WWOX: variants seen among roughly 807,000 people sequenced by gnomAD.
The protein encoded by WWOX is WW domain-containing oxidoreductase.
A neutral mutation model predicts 46.2 loss-of-function variants in WWOX; 69 were observed. The ratio of observed to expected loss-of-function variants is 1.49; its 90% CI spans 1.23 to 1.82. The LOEUF (loss-of-function observed/expected upper bound fraction) is 1.82, where lower values mean the gene tolerates loss of function less well. Among genes scored for constraint, WWOX ranks in the 40% most tolerant of loss-of-function variants. The pLI is 0.00. For missense variants in WWOX, 919 were observed against 542.6 expected (o/e 1.69, Z -6.89); for synonymous variants, 359 against 202.6 (o/e 1.77, Z -6.56).
chr16:78,683,084 A>G (rs1163712965), intron 8 of WWOX, among the ~76,000 whole-genome samples: 1 of 152,236 alleles, frequency 6.6e-6, no homozygotes, highest in Non-Finnish European at 1.5e-5. Flanking sequence ...TTCTGACTCC[A>G]GATGACTTGT....
At chr16:78,443,580 C>G (rs142011950) in intron 8 of WWOX, among the ~76,000 whole-genome samples, 3 of 152,276 alleles carry the variant, frequency 2.0e-5, no homozygotes, top group Admixed American at 2.0e-4. Flanking sequence ...TGTTTTAAAT[C>G]CGCCTCGGCC....
At chr16:78,883,535 C>G (rs368324466) in intron 8 of WWOX, among the ~76,000 whole-genome samples, 5 of 151,978 alleles carry the variant, frequency 3.3e-5, no homozygotes, top group Admixed American at 6.6e-5. Context: ...ACCAGCCTGG[C>G]GAACATGGCA....
chr16:78,440,916 T>G (rs2083430736), intron 8 of WWOX, among the ~76,000 whole-genome samples: 1 of 152,146 alleles, frequency 6.6e-6, no homozygotes, highest in Non-Finnish European at 1.5e-5. Context: ...CCACTGTGCC[T>G]GGCCTGTAGT....
At chr16:78,225,208 A>C (rs2037012484) in intron 5 of WWOX, among the ~76,000 whole-genome samples, 2 of 152,188 alleles carry the variant, frequency 1.3e-5, no homozygotes, top group African/African-American at 4.8e-5. Context: ...ATAGTATATT[A>C]CTGTAATGAA....
intron 8 of WWOX, among the ~76,000 whole-genome samples, chr16:78,538,722 T>C (rs1374750364): frequency 6.6e-6 from 1 of 152,330 alleles, no homozygotes; most frequent in East Asian, 1.9e-4. Context: ...AGGTTAATCT[T>C]ATTTCTAATA....
intron 8 of WWOX, among the ~76,000 whole-genome samples, chr16:78,620,340 C>T (rs1300768557): frequency 1.3e-5 from 2 of 152,186 alleles, no homozygotes; most frequent in African/African-American, 2.4e-5. Context: ...CTGCATTGTG[C>T]CTCCTATCAA....
At chr16:78,300,230 T>C (rs1315778527) in intron 5 of WWOX, among the ~76,000 whole-genome samples, 1 of 152,192 alleles carries the variant, frequency 6.6e-6, no homozygotes, top group Non-Finnish European at 1.5e-5. Flanking sequence ...CCTAGGAGCC[T>C]AGGAGATACA....
At chr16:78,467,913 C>G (rs1039248446) in intron 8 of WWOX, among the ~76,000 whole-genome samples, 1 of 152,164 alleles carries the variant, frequency 6.6e-6, no homozygotes, top group African/African-American at 2.4e-5. Flanking sequence ...ATCAGCCTGG[C>G]TTCTTTTCCA....
chr16:78,382,723 G>A (rs1018658980), intron 5 of WWOX, among the ~76,000 whole-genome samples: 1 of 152,122 alleles, frequency 6.6e-6, no homozygotes, highest in African/African-American at 2.4e-5. Context: ...GCTTGGTGGT[G>A]ATGGAACAGT....
intron 5 of WWOX, among the ~76,000 whole-genome samples, chr16:78,217,628 G>T (rs2036764787): frequency 6.6e-6 from 1 of 152,110 alleles, no homozygotes; most frequent in South Asian, 2.1e-4. Flanking sequence ...GCTCAGAAGA[G>T]AAATCTATTG....
chr16:78,768,798 A>G (rs9938250), intron 8 of WWOX, among the ~76,000 whole-genome samples: 27,668 of 152,092 alleles, frequency 0.18, 2,593 homozygotes, highest in South Asian at 0.25. Flanking sequence ...GGAACGAGAA[A>G]GTGAATATTC....
At chr16:78,309,000 T>C (rs1370353016) in intron 5 of WWOX, among the ~76,000 whole-genome samples, 1 of 152,202 alleles carries the variant, frequency 6.6e-6, no homozygotes, top group Non-Finnish European at 1.5e-5. Context: ...CCATGTGATA[T>C]GGTTTGGCTA....
At chr16:79,107,613 T>C (rs1041581367) in intron 8 of WWOX, among the ~76,000 whole-genome samples, 2 of 152,216 alleles carry the variant, frequency 1.3e-5, no homozygotes, top group Non-Finnish European at 2.9e-5. Flanking sequence ...GATCACACTC[T>C]GCAGATCTCC....
intron 8 of WWOX, among the ~76,000 whole-genome samples, chr16:78,723,894 C>T (rs2048759976): frequency 6.6e-6 from 1 of 151,980 alleles, no homozygotes; most frequent in South Asian, 2.1e-4. Context: ...GTTTATAGCC[C>T]CAAAGACAGT....
chr16:78,372,885 G>C (rs1023943439), intron 5 of WWOX, among the ~76,000 whole-genome samples: 2 of 152,128 alleles, frequency 1.3e-5, no homozygotes, highest in African/African-American at 4.8e-5. Context: ...CAGCTACTAT[G>C]AGGCTATTTG....
chr16:78,524,760 AAAT>A lies in WWOX; in HGVS notation c.1056+92013_1056+92015del, dbSNP rs1282859946. Among the ~76,000 whole-genome samples the A allele has an allele frequency of 2.6e-5, 4 of 151,358 alleles. No homozygotes were observed. In the East Asian group the frequency reaches 7.7e-4, roughly 29 times the overall value. ...AGTAACAAAGTATTAGCATTGTGAT[AAAT>A]AATATTTAATATATAGTAAGGGAGG... On this transcript the variant is annotated intron_variant, in intron 8 of 8. Transcript: ENST00000566780.
chr16:78,567,552 C>CAAAAAAAAAA (rs71272440), intron 8 of WWOX, among the ~76,000 whole-genome samples: 31 of 52,128 alleles, frequency 5.9e-4, no homozygotes, highest in East Asian at 3.5e-3. Context: ...GACTCCGTCT[C>CAAAAAAAAAA]AAAAAAAAAA....
intron 8 of WWOX, among the ~76,000 whole-genome samples, chr16:78,774,499 TGTG>T (rs1567550956): frequency 1.7e-3 from 29 of 17,452 alleles, no homozygotes; most frequent in African/African-American, 4.2e-3. Flanking sequence ...ACCCATTTTG[TGTG>T]TGTGTGTGTG....
intron 8 of WWOX, among the ~76,000 whole-genome samples, chr16:79,073,884 T>A (rs1445894239): frequency 6.6e-6 from 1 of 152,224 alleles, no homozygotes; most frequent in Non-Finnish European, 1.5e-5. Flanking sequence ...AATTTTAAAA[T>A]GGGCTTATAT....
Sources: allele counts gnomAD v4.1 joint callset (sites outside exome capture counted in the v4.1 genomes callset), GRCh38; gene constraint gnomAD v4.1.1; transcripts MANE v1.5; gene names NCBI Gene and HGNC (gene_info 2026-07-23, HGNC 2026-07-21).